CHODL: variants seen among roughly 807,000 people sequenced by gnomAD.
The protein encoded by CHODL is chondrolectin.
In CHODL, 29 loss-of-function variants were observed where a neutral mutation model predicts 34.5. The observed-to-expected ratio is 0.84, with a 90% CI of 0.63 to 1.15. The LOEUF (loss-of-function observed/expected upper bound fraction) is 1.15. CHODL is among the 50% of genes most tolerant of loss of function. CHODL has a pLI of 0.00. For missense variants in CHODL, 332 were observed against 332.5 expected, an observed-to-expected ratio of 1.00 and a Z score of 0.01; for synonymous variants, 125 against 116.1, an observed-to-expected ratio of 1.08 and a Z score of -0.49.
At chr21:18,032,953 A>G (rs973377212) in intron 2 of CHODL, among the ~76,000 whole-genome samples, 2 of 152,082 alleles carry the variant, frequency 1.3e-5, no homozygotes, top group Non-Finnish European at 2.9e-5. Context: ...AGCAGTGAAC[A>G]AAAGGGAACA....
intron 1 of CHODL, among the ~76,000 whole-genome samples, chr21:17,964,972 C>T (rs2063560596): frequency 6.6e-6 from 1 of 152,136 alleles, no homozygotes; most frequent in Non-Finnish European, 1.5e-5. Flanking sequence ...ATCTGGAAAC[C>T]ATCAGTAAAT....
chr21:18,094,074 C>T (rs1337600846), intron 2 of CHODL, among the ~76,000 whole-genome samples: 2 of 152,026 alleles, frequency 1.3e-5, no homozygotes, highest in Non-Finnish European at 2.9e-5. Flanking sequence ...TAGTGTTATA[C>T]TTATTCAGAC....
intron 2 of CHODL, among the ~76,000 whole-genome samples, chr21:18,140,138 T>C (rs541535363): frequency 2.0e-5 from 3 of 152,320 alleles, no homozygotes; most frequent in Admixed American, 1.3e-4. Flanking sequence ...AGAACATCTT[T>C]TTGGAGTCCA....
chr21:18,237,795 A>T (rs2074042224), intron 2 of CHODL, among the ~76,000 whole-genome samples: 1 of 152,262 alleles, frequency 6.6e-6, no homozygotes, highest in South Asian at 2.1e-4. Context: ...TATTTATTGA[A>T]TAAACATAAA....
intron 1 of CHODL, among the ~76,000 whole-genome samples, chr21:18,010,262 A>G (rs2064004378): frequency 1.6e-5 from 2 of 124,942 alleles, no homozygotes; most frequent in Non-Finnish European, 3.2e-5. Flanking sequence ...GCGCCACTGG[A>G]CTCCAGCCTG....
intron 5 of CHODL, among the ~76,000 whole-genome samples, chr21:18,265,118 G>T (rs1015157640): frequency 6.6e-6 from 1 of 151,532 alleles, no homozygotes; most frequent in African/African-American, 2.4e-5. Context: ...GTTTGTAGGT[G>T]TGGAACCAAC....
intron 2 of CHODL, among the ~76,000 whole-genome samples, chr21:18,238,609 G>A (rs1252993206): frequency 6.6e-6 from 1 of 152,078 alleles, no homozygotes; most frequent in Non-Finnish European, 1.5e-5. Flanking sequence ...AAAGTTCAGG[G>A]AGGGGTTGCT....
At chr21:18,064,754 C>T (rs915494014) in intron 2 of CHODL, among the ~76,000 whole-genome samples, 1 of 152,092 alleles carries the variant, frequency 6.6e-6, no homozygotes, top group Non-Finnish European at 1.5e-5. Flanking sequence ...TCTCTCCGCA[C>T]ACACACATGC....
At chr21:18,197,138 C>T (rs2073598301) in intron 2 of CHODL, among the ~76,000 whole-genome samples, 1 of 151,774 alleles carries the variant, frequency 6.6e-6, no homozygotes, top group South Asian at 2.1e-4. Flanking sequence ...TCAATTGCAC[C>T]TCAATAAAGG....
intron 1 of CHODL, among the ~76,000 whole-genome samples, chr21:17,919,086 G>C (rs2063163732): frequency 6.6e-6 from 1 of 152,178 alleles, no homozygotes; most frequent in Non-Finnish European, 1.5e-5. Flanking sequence ...TCCCGCTCCT[G>C]GCTGCCTTCA....
intron 2 of CHODL, among the ~76,000 whole-genome samples, chr21:18,139,386 C>G (rs1299863974): frequency 6.6e-6 from 1 of 152,040 alleles, no homozygotes; most frequent in African/African-American, 2.4e-5. Context: ...CAAATGGCAA[C>G]CATCAACAAA....
chr21:18,207,659 C>CTTTTTTTTTTTTT (rs34259143), intron 2 of CHODL, among the ~76,000 whole-genome samples: 2 of 55,952 alleles, frequency 3.6e-5, no homozygotes, highest in African/African-American at 8.8e-5. Context: ...AATCTCTCAG[C>CTTTTTTTTTTTTT]TTTTTTTTTT....
intron 2 of CHODL, among the ~76,000 whole-genome samples, chr21:18,115,100 T>C (rs2065396273): frequency 6.6e-6 from 1 of 152,220 alleles, no homozygotes; most frequent in South Asian, 2.1e-4. Flanking sequence ...ATATTTACTT[T>C]TTAGAAAGAT....
intron 2 of CHODL, among the ~76,000 whole-genome samples, chr21:18,158,674 C>T (rs2073060911): frequency 6.6e-6 from 1 of 151,856 alleles, no homozygotes; most frequent in African/African-American, 2.4e-5. Context: ...CTTGTCTCTA[C>T]TAAAAATACA....
chr21:18,128,840 T>C (rs1039561049), intron 2 of CHODL, among the ~76,000 whole-genome samples: 1 of 152,164 alleles, frequency 6.6e-6, no homozygotes, highest in Non-Finnish European at 1.5e-5. Flanking sequence ...TTTGTAAAAT[T>C]AATAGTTTCA....
At chr21:18,183,999 G>T (rs1317131200) in intron 2 of CHODL, among the ~76,000 whole-genome samples, 1 of 151,890 alleles carries the variant, frequency 6.6e-6, no homozygotes, top group Non-Finnish European at 1.5e-5. Flanking sequence ...AGTATTAAAG[G>T]TTTACTTTTC....
rs538423518 is a variant in CHODL, at chr21:18,177,436, C to A, written c.-44-79073C>A. On this transcript the variant is annotated intron_variant, in intron 2 of 6. Transcript: ENST00000400127. ...TATTGTTTGCTTCTTTTATATTTTTCTGTGTATGTAGCTTCAGCATAATTC... is the reference window on the plus strand; with the variant it reads ...TATTGTTTGCTTCTTTTATATTTTTATGTGTATGTAGCTTCAGCATAATTC... 2.0e-5 allele frequency among the ~76,000 whole-genome samples: 3 copies of A among 152,104 alleles called. No individual in the cohort carries two copies. The East Asian group carries it at 5.8e-4, about 29-fold the overall frequency.
At chr21:17,940,220 A>G (rs551357665) in intron 1 of CHODL, among the ~76,000 whole-genome samples, 24 of 152,328 alleles carry the variant, frequency 1.6e-4, no homozygotes, top group Non-Finnish European at 3.2e-4. Context: ...GCTCATATCT[A>G]TATTCACCAA....
At chr21:18,100,731 AAG>A (rs1229987206) in intron 2 of CHODL, among the ~76,000 whole-genome samples, 1 of 152,144 alleles carries the variant, frequency 6.6e-6, no homozygotes, top group African/African-American at 2.4e-5. Flanking sequence ...AACAACTGAA[AAG>A]AGTCATTCAG....
Sources: allele counts gnomAD v4.1 joint callset (sites outside exome capture counted in the v4.1 genomes callset), GRCh38; gene constraint gnomAD v4.1.1; transcripts MANE v1.5; gene names NCBI Gene and HGNC (gene_info 2026-07-23, HGNC 2026-07-21).